The following CLCN3 variants were observed in gnomAD, a reference collection of about 807,000 sequenced individuals.
The protein encoded by CLCN3 is Cl-/H+ antiporter 3.
In CLCN3, 16 loss-of-function variants were observed where a neutral mutation model predicts 83.4. The ratio of observed to expected loss-of-function variants is 0.19; its 90% CI spans 0.13 to 0.29. The LOEUF is 0.29. Ranked by LOEUF, CLCN3 falls within the 10% of genes least tolerant of loss-of-function variation. CLCN3 has a pLI of 1.00. For missense variants in CLCN3, 544 were observed against 1,006.0 expected (o/e 0.54, Z 6.21); for synonymous variants, 322 against 346.2 (o/e 0.93, Z 0.78).
At chr4:169,644,680 T>A (rs1451508124) in intron 2 of CLCN3, among the ~76,000 whole-genome samples, 1 of 152,024 alleles carries the variant, frequency 6.6e-6, no homozygotes, top group Non-Finnish European at 1.5e-5. Flanking sequence ...ATGGTCTGCT[T>A]AATAATGGCC....
rs1465065302 is a variant in CLCN3, at chr4:169,692,145, G to A, written c.761G>A (p.Arg254Lys). The part of the protein sequence containing the change: ...IKTILSGFII[R>K]GYLGKWTLMI... The stretch of plus-strand genomic sequence containing the variant: ...ACTATTTTAAGTGGATTCATCATCA[G>A]AGGTTACTTGGGAAAATGGACTTTA... The change falls in exon 7 of 13, where the codon AGA (arginine) becomes AAA (lysine). Residue 254 changes from arginine to lysine, a missense_variant. By Grantham distance (26) the Arg-to-Lys change is conservative. Transcript: ENST00000513761. The A allele has an allele frequency of 8.1e-6, 13 of 1,607,948 alleles. No individual in the cohort carries two copies. Among genetic ancestry groups the A allele is most frequent in the Non-Finnish European group, 1.1e-5 (13 of 1,174,868 alleles).
intron 2 of CLCN3, among the ~76,000 whole-genome samples, chr4:169,657,874 A>C (rs1218559070): frequency 6.6e-6 from 1 of 152,140 alleles, no homozygotes; most frequent in Non-Finnish European, 1.5e-5. Flanking sequence ...TCAGTTTGTT[A>C]ATATGGTAAT....
chr4:169,641,633 A>T (rs6828248), intron 2 of CLCN3, among the ~76,000 whole-genome samples: 88,519 of 152,046 alleles, frequency 0.58, 27,905 homozygotes, highest in East Asian at 0.93. Flanking sequence ...TGGCATATTC[A>T]TAACTACTGC....
At chr4:169,709,950 TGTC>T (rs1215443748) in intron 11 of CLCN3, among the ~76,000 whole-genome samples, 11 of 100,938 alleles carry the variant, frequency 1.1e-4, no homozygotes, top group South Asian at 8.6e-4. Context: ...AAAAAAAAAT[TGTC>T]TGGGTGTGGT....
intron 12 of CLCN3, among the ~76,000 whole-genome samples, chr4:169,715,778 T>A (rs1018183926): frequency 3.3e-5 from 5 of 151,796 alleles, no homozygotes; most frequent in African/African-American, 1.2e-4. Context: ...TCAAAATCAG[T>A]TAATCTTGGT....
At chr4:169,717,315 C>T (rs72696657) in intron 12 of CLCN3, among the ~76,000 whole-genome samples, 62,474 of 151,882 alleles carry the variant, frequency 0.41, 15,948 homozygotes, top group East Asian at 0.76. Flanking sequence ...GTAAAATCCA[C>T]GGGAGTTTTT....
At chr4:169,709,799 G>T (rs1365782924) in intron 11 of CLCN3, among the ~76,000 whole-genome samples, 1 of 152,088 alleles carries the variant, frequency 6.6e-6, no homozygotes, top group Non-Finnish European at 1.5e-5. Context: ...AATGAAAATT[G>T]TAATGTTCCT....
intron 11 of CLCN3, 85 bp downstream of exon 11, chr4:169,707,351 TG>T (rs1309723243): frequency 1.9e-6 from 2 of 1,058,328 alleles, no homozygotes; most frequent in African/African-American, 3.2e-5. Flanking sequence ...TTTAATGGGT[TG>T]GATTTGTGGG....
chr4:169,717,971 A>G, intron 12 of CLCN3: 1 of 669,308 alleles, frequency 1.5e-6, no homozygotes, highest in East Asian at 2.7e-5. Context: ...TGCTGAACAA[A>G]AATATCCTAC....
intron 1 of CLCN3, among the ~76,000 whole-genome samples, chr4:169,632,778 A>G (rs1405621750): frequency 6.6e-6 from 1 of 151,540 alleles, no homozygotes; most frequent in African/African-American, 2.4e-5. Context: ...GCTGCATAGA[A>G]CTTTTTCTGC....
At chr4:169,716,811 G>A (rs1733439566) in intron 12 of CLCN3, among the ~76,000 whole-genome samples, 1 of 152,058 alleles carries the variant, frequency 6.6e-6, no homozygotes, top group African/African-American at 2.4e-5. Flanking sequence ...CTACTTTGAA[G>A]TCTCCTAGTG....
chr4:169,665,490 A>G (rs1343145282), intron 2 of CLCN3, among the ~76,000 whole-genome samples: 1 of 152,032 alleles, frequency 6.6e-6, no homozygotes, highest in Non-Finnish European at 1.5e-5. Context: ...TACCTTTTTA[A>G]TCTTTGATTT....
intron 5 of CLCN3, 104 bp from the exon 6 acceptor site, chr4:169,690,426 T>G: frequency 2.0e-4 from 246 of 1,205,102 alleles, no homozygotes; most frequent in Non-Finnish European, 2.6e-4. Flanking sequence ...ATTACAGGCG[T>G]GAGCCACCAT....
Position 169,690,565 on chromosome 4 carries a change from C to T in CLCN3, c.642C>T (p.Tyr214=), listed in dbSNP as rs760093557. Residue 214 remains tyrosine, a synonymous_variant, in exon 6 of 13, where the codon TAC becomes TAT. Coordinates refer to ENST00000513761, the MANE Select transcript of CLCN3 (RefSeq NM_001829.4). ...PGSYIMNYIM[Y]IFWALSFAFL... ...CTTATATCATGAACTACATAATGTA[C>T]ATCTTCTGGGCCTTGAGTTTTGCCT... 6.2e-7 allele frequency: 1 copy of T among 1,613,650 alleles called. No individual in the cohort carries two copies. The highest frequency in any genetic ancestry group is 1.1e-5 in the South Asian group (1 of 91,062).
At chr4:169,643,764 G>A (rs1730491656) in intron 2 of CLCN3, among the ~76,000 whole-genome samples, 1 of 152,112 alleles carries the variant, frequency 6.6e-6, no homozygotes. Context: ...TCGAACTCCT[G>A]GGCTCAAGTG....
intron 2 of CLCN3, among the ~76,000 whole-genome samples, chr4:169,636,736 T>TTGC (rs1553965337): frequency 8.1e-5 from 2 of 24,784 alleles, no homozygotes; most frequent in Non-Finnish European, 1.4e-4. Context: ...CATTATTTGG[T>TTGC]TTTTTTTTTT....
intron 2 of CLCN3, among the ~76,000 whole-genome samples, chr4:169,668,529 G>T (rs758839901): frequency 8.5e-5 from 13 of 152,124 alleles, no homozygotes; most frequent in Non-Finnish European, 1.8e-4. Flanking sequence ...CTAACGGGAG[G>T]CAGGGCTGGA....
intron 12 of CLCN3, chr4:169,717,688 T>A (rs1466250507): frequency 1.5e-6 from 1 of 688,924 alleles, no homozygotes; most frequent in East Asian, 2.7e-5. Context: ...AGACTCATTC[T>A]TATGGTTCAT....
At chr4:169,680,714 G>A (rs780463891) in intron 3 of CLCN3, 2 of 152,542 alleles carry the variant, frequency 1.3e-5, no homozygotes, top group Non-Finnish European at 2.9e-5. Flanking sequence ...CCCAAATAAA[G>A]CTTATTGAGT....
Sources: gnomAD v4.1 joint callset for allele counts (sites outside exome capture counted in the v4.1 genomes callset) on GRCh38, gnomAD v4.1.1 for gene constraint, MANE v1.5 for transcripts, NCBI Gene and HGNC (gene_info 2026-07-23, HGNC 2026-07-21) for gene names.